Variants in BRD1 observed in about 807,000 individuals in gnomAD.
BRD1 encodes bromodomain-containing protein 1.
Under a neutral mutation model 107.7 loss-of-function variants are expected in BRD1, and 24 were observed. The observed-to-expected ratio is 0.22, with a 90% CI of 0.16 to 0.31. The LOEUF is 0.31. Ranked by LOEUF, BRD1 falls within the 10% of genes least tolerant of loss-of-function variation. BRD1 has a pLI of 1.00. For synonymous variants in BRD1, 744 were observed against 686.1 expected (o/e 1.08, Z -1.32); for missense variants, 1,279 against 1,638.6 (o/e 0.78, Z 3.79).
At chr22:49,775,047 A>G (rs923858842) in intron 12 of BRD1, among the ~76,000 whole-genome samples, 26 of 152,234 alleles carry the variant, frequency 1.7e-4, no homozygotes, top group African/African-American at 6.0e-4. Context: ...ATGTGCTGCC[A>G]GCGTGTCCTG....
intron 8 of BRD1, 90 bp downstream of exon 8, chr22:49,787,300 C>T (rs2059345134): frequency 1.3e-5 from 2 of 157,356 alleles, no homozygotes; most frequent in Non-Finnish European, 2.2e-5. Context: ...AAGCTGGACA[C>T]CCCCCCCCCC....
chr22:49,789,716 A>G (rs1328394433), intron 7 of BRD1, among the ~76,000 whole-genome samples: 2 of 152,070 alleles, frequency 1.3e-5, no homozygotes, highest in Non-Finnish European at 1.5e-5. Context: ...ACAGCTATCT[A>G]ACGGGCACCG....
chr22:49,813,086 G>A (rs1269155411), intron 2 of BRD1, among the ~76,000 whole-genome samples: 3 of 152,180 alleles, frequency 2.0e-5, no homozygotes, highest in African/African-American at 7.2e-5. Context: ...GCAATTCCAG[G>A]AGGGCTCAAG....
intron 9 of BRD1, 53 bp downstream of exon 9, chr22:49,777,625 G>A (rs1208011884): frequency 2.5e-6 from 4 of 1,576,954 alleles, no homozygotes; most frequent in East Asian, 2.3e-5. Context: ...AGCCAGGCGG[G>A]GCGGGCGGTG....
At chr22:49,812,374 A>G (rs1230173026) in intron 2 of BRD1, among the ~76,000 whole-genome samples, 1 of 152,232 alleles carries the variant, frequency 6.6e-6, no homozygotes, top group Non-Finnish European at 1.5e-5. Context: ...ATAGACTTTT[A>G]TGGAGAAAAC....
chr22:49,777,192 GC>G (rs747305183), intron 9 of BRD1, 31 bp from the exon 10 acceptor site: 71 of 1,606,978 alleles, frequency 4.4e-5, no homozygotes, highest in South Asian at 7.7e-5. Flanking sequence ...GGAGTCAGGC[GC>G]CCCGCCCCTG....
At chr22:49,788,642 T>G (rs1228574929) in intron 7 of BRD1, among the ~76,000 whole-genome samples, 1 of 152,218 alleles carries the variant, frequency 6.6e-6, no homozygotes, top group Non-Finnish European at 1.5e-5. Flanking sequence ...GGGGCTGGTC[T>G]GTGGGGCTCT....
chr22:49,819,007 C>T (rs1378858007), intron 2 of BRD1, among the ~76,000 whole-genome samples: 1 of 152,086 alleles, frequency 6.6e-6, no homozygotes, highest in Non-Finnish European at 1.5e-5. Context: ...CCTGTAATCT[C>T]AGCACTCTGG....
chr22:49,809,739 C>A (rs986380039), intron 2 of BRD1, among the ~76,000 whole-genome samples: 1 of 152,118 alleles, frequency 6.6e-6, no homozygotes, highest in Admixed American at 6.5e-5. Flanking sequence ...GGACCATGAT[C>A]GAAGGAAGTG....
chr22:49,777,121 C>G lies in BRD1; in HGVS notation c.3034G>C (p.Val1012Leu). The change falls in exon 10 of 13, where the codon GTG becomes CTG. Residue 1012 changes from valine to leucine, a missense_variant. Transcript: ENST00000404760. The part of the protein sequence containing the change: ...PKCGRGKPAL[V>L]RRHTLEDRSE... Reference sequence around the variant, plus strand: ...CGGTCCTCCAGCGTGTGCCGTCGCACAAGAGCCGGTTTGCCCCGCCCACAT... The same window carrying G: ...CGGTCCTCCAGCGTGTGCCGTCGCAGAAGAGCCGGTTTGCCCCGCCCACAT... The G allele has an allele frequency of 1.2e-6, 2 of 1,613,370 alleles. No homozygotes were observed. Among genetic ancestry groups the G allele is most frequent in the South Asian group, 1.1e-5 (1 of 91,092 alleles).
chr22:49,812,806 G>C, intron 2 of BRD1, among the ~76,000 whole-genome samples: 1 of 150,980 alleles, frequency 6.6e-6, no homozygotes, highest in East Asian at 1.9e-4. Flanking sequence ...ACAAGGTGCC[G>C]CCCATGTACA....
intron 2 of BRD1, among the ~76,000 whole-genome samples, chr22:49,811,486 G>A (rs1332466448): frequency 3.3e-5 from 5 of 152,142 alleles, no homozygotes; most frequent in Non-Finnish European, 5.9e-5. Context: ...AGGACCGAGC[G>A]CCAGCCTGGA....
chr22:49,784,627 T>C (rs1181172611), intron 8 of BRD1, among the ~76,000 whole-genome samples: 2 of 152,174 alleles, frequency 1.3e-5, no homozygotes, highest in Non-Finnish European at 2.9e-5. Context: ...GCCAGATAAC[T>C]CCCTAAAGTT....
At chr22:49,780,883 G>T (rs112358606) in intron 8 of BRD1, among the ~76,000 whole-genome samples, 1 of 152,222 alleles carries the variant, frequency 6.6e-6, no homozygotes, top group Non-Finnish European at 1.5e-5. Flanking sequence ...AGGGCCTAAG[G>T]TCTGCAGAGA....
At chr22:49,822,762 T>C (rs1373480284) in intron 2 of BRD1, among the ~76,000 whole-genome samples, 189 bp downstream of exon 2, 2 of 150,974 alleles carry the variant, frequency 1.3e-5, no homozygotes, top group African/African-American at 4.9e-5. Context: ...CAGACTAAAA[T>C]CTTTTACAAC....
chr22:49,798,694 G>T lies in BRD1; in HGVS notation c.1657-8C>A, dbSNP rs564013262. ...GACCTGCTCCACCTTCACCTGGGGG[G>T]GCCCAGCAGAGCCTCAGCTTTAGGG... On this transcript the variant is annotated splice_polypyrimidine_tract_variant and splice_region_variant and intron_variant, in intron 4 of 12. Transcript: ENST00000404760. The T allele has an allele frequency of 1.1e-5, 18 of 1,592,360 alleles. No individual in the cohort carries two copies. In the East Asian group the frequency reaches 1.4e-4, roughly 12 times the overall value.
chr22:49,809,551 AT>A (rs1453793613), intron 2 of BRD1, among the ~76,000 whole-genome samples: 16 of 136,430 alleles, frequency 1.2e-4, no homozygotes, highest in African/African-American at 2.7e-4. Context: ...CAAAAAAAAT[AT>A]ATATATATAT....
intron 2 of BRD1, among the ~76,000 whole-genome samples, chr22:49,822,317 C>T (rs2060082695): frequency 6.6e-6 from 1 of 151,922 alleles, no homozygotes; most frequent in Non-Finnish European, 1.5e-5. Context: ...CCCAGCTACT[C>T]AGGAGGCTGA....
intron 6 of BRD1, among the ~76,000 whole-genome samples, chr22:49,795,690 A>T (rs1373094278): frequency 6.6e-6 from 1 of 152,238 alleles, no homozygotes; most frequent in African/African-American, 2.4e-5. Context: ...CTGAGCAGCC[A>T]GCAGCGGGCA....
Sources: gnomAD v4.1 joint callset for allele counts (sites outside exome capture counted in the v4.1 genomes callset) on GRCh38, gnomAD v4.1.1 for gene constraint, MANE v1.5 for transcripts, NCBI Gene and HGNC (gene_info 2026-07-23, HGNC 2026-07-21) for gene names.